ABTB3: variants seen among roughly 807,000 people sequenced by gnomAD.
ABTB3 encodes ankyrin repeat- and BTB/POZ domain-containing protein 3.
chr12:107,389,846 T>TTGTGTGTG, the ABTB3 span, among the ~76,000 whole-genome samples: 3 of 141,474 alleles, frequency 2.1e-5, no homozygotes, highest in African/African-American at 5.4e-5. Context: ...GTGTGTGTGT[T>TTGTGTGTG]TGTGTGTGTG....
At chr12:107,605,520 G>A in the ABTB3 span, among the ~76,000 whole-genome samples, 4 of 152,182 alleles carry the variant, frequency 2.6e-5, no homozygotes, top group Non-Finnish European at 4.4e-5. Flanking sequence ...AGGGTCAGAA[G>A]AAAGAGGAGA....
chr12:107,657,655 G>A, the ABTB3 span: 1 of 1,614,092 alleles, frequency 6.2e-7, no homozygotes, highest in African/African-American at 1.3e-5. Context: ...AGGACTTACA[G>A]AGGACGTTGG....
chr12:107,441,204 T>A, the ABTB3 span, among the ~76,000 whole-genome samples: 13 of 152,124 alleles, frequency 8.5e-5, no homozygotes, highest in Middle Eastern at 3.4e-3. Flanking sequence ...AGACATGGAA[T>A]CAACCCAAAT....
At chr12:107,514,221 C>A in the ABTB3 span, among the ~76,000 whole-genome samples, 1 of 152,198 alleles carries the variant, frequency 6.6e-6, no homozygotes, top group Non-Finnish European at 1.5e-5. Flanking sequence ...TCTTGCTCTA[C>A]CCCACCTTGC....
At chr12:107,572,061 AAC>A in the ABTB3 span, among the ~76,000 whole-genome samples, 1 of 152,174 alleles carries the variant, frequency 6.6e-6, no homozygotes, top group Admixed American at 6.5e-5. Context: ...TATAAAGAAA[AAC>A]AGTCTTTACC....
the ABTB3 span, among the ~76,000 whole-genome samples, chr12:107,339,818 T>C: frequency 1.3e-5 from 2 of 152,180 alleles, no homozygotes; most frequent in African/African-American, 4.8e-5. Flanking sequence ...AACTGTCATG[T>C]AGGCAATTCT....
At chr12:107,550,858 C>T in the ABTB3 span, among the ~76,000 whole-genome samples, 3 of 152,158 alleles carry the variant, frequency 2.0e-5, no homozygotes, top group Admixed American at 1.3e-4. Flanking sequence ...GCTGGGATTA[C>T]AGGTGTGAGC....
chr12:107,546,184 T>C, the ABTB3 span, among the ~76,000 whole-genome samples: 2 of 152,230 alleles, frequency 1.3e-5, no homozygotes, highest in African/African-American at 4.8e-5. Context: ...CACTCCTCAG[T>C]TGATGCCAAA....
At chr12:107,338,581 G>C in the ABTB3 span, among the ~76,000 whole-genome samples, 1 of 152,178 alleles carries the variant, frequency 6.6e-6, no homozygotes, top group Non-Finnish European at 1.5e-5. Flanking sequence ...CTCATCTGAA[G>C]ACTAATGAGG....
chr12:107,529,345 T>C, the ABTB3 span, among the ~76,000 whole-genome samples: 1 of 150,794 alleles, frequency 6.6e-6, no homozygotes, highest in South Asian at 2.1e-4. Flanking sequence ...ATGATGGAGA[T>C]GATGGTGATG....
At chr12:107,504,698 G>A in the ABTB3 span, among the ~76,000 whole-genome samples, 4 of 152,162 alleles carry the variant, frequency 2.6e-5, no homozygotes, top group African/African-American at 7.2e-5. Context: ...ATTGGAAAGG[G>A]ATTTTCAGTT....
At chr12:107,342,009 C>A in the ABTB3 span, among the ~76,000 whole-genome samples, 3 of 152,144 alleles carry the variant, frequency 2.0e-5, no homozygotes, top group Non-Finnish European at 4.4e-5. Flanking sequence ...GAACCATGAG[C>A]CAATCAAACC....
the ABTB3 span, among the ~76,000 whole-genome samples, chr12:107,509,087 A>G: frequency 6.6e-6 from 1 of 152,188 alleles, no homozygotes; most frequent in Non-Finnish European, 1.5e-5. Context: ...GCCAGGTCCC[A>G]GGAGCTCCTT....
chr12:107,326,221 A>G, the ABTB3 span, among the ~76,000 whole-genome samples: 8 of 152,230 alleles, frequency 5.3e-5, no homozygotes, highest in Non-Finnish European at 1.2e-4. Context: ...GCTATTATTA[A>G]AGACAGTTCA....
chr12:107,425,549 G>A, the ABTB3 span, among the ~76,000 whole-genome samples: 12 of 152,140 alleles, frequency 7.9e-5, no homozygotes, highest in Admixed American at 6.5e-5. Flanking sequence ...CCTTAAAAGG[G>A]TTAATTTTGT....
chr12:107,464,172 G>A, the ABTB3 span, among the ~76,000 whole-genome samples: 5 of 151,668 alleles, frequency 3.3e-5, no homozygotes, highest in Admixed American at 3.3e-4. Context: ...GGTGGGTTGA[G>A]AAAGGGAGTT....
chr12:107,339,196 A>G, the ABTB3 span, among the ~76,000 whole-genome samples: 1 of 152,172 alleles, frequency 6.6e-6, no homozygotes, highest in Non-Finnish European at 1.5e-5. Flanking sequence ...CCTTTCCCAT[A>G]GTGGGCCTTT....
At chr12:107,348,499 G>A in the ABTB3 span, among the ~76,000 whole-genome samples, 1 of 152,166 alleles carries the variant, frequency 6.6e-6, no homozygotes, top group Non-Finnish European at 1.5e-5. Context: ...CAAGGCAGAA[G>A]AGCATTTGAG....
chr12:107,557,705 C>A, the ABTB3 span, among the ~76,000 whole-genome samples: 1 of 152,180 alleles, frequency 6.6e-6, no homozygotes, highest in African/African-American at 2.4e-5. Flanking sequence ...CATGAATTAA[C>A]TCATTTATCC....
Sources: gnomAD v4.1 joint callset for allele counts (sites outside exome capture counted in the v4.1 genomes callset) on GRCh38, gnomAD v4.1.1 for gene constraint, MANE v1.5 for transcripts, NCBI Gene and HGNC (gene_info 2026-07-23, HGNC 2026-07-21) for gene names.